Variants in SPTAN1 observed in about 807,000 individuals in gnomAD.
SPTAN1 encodes the protein spectrin alpha chain, non-erythrocytic 1.
In SPTAN1, 61 loss-of-function variants were observed where a neutral mutation model predicts 331.3. That is an observed-to-expected ratio of 0.18 (90% CI 0.15 to 0.23). The LOEUF (loss-of-function observed/expected upper bound fraction) is 0.23. SPTAN1 is among the 10% of genes least tolerant of loss of function. SPTAN1 has a pLI of 1.00. For synonymous variants in SPTAN1, 1,153 were observed against 1,173.9 expected (o/e 0.98, Z 0.36); for missense variants, 2,043 against 3,147.9 (o/e 0.65, Z 8.40).
At position 128,614,637 on chromosome 9, in the gene SPTAN1, G is replaced by A. The variant is rs117001948; in HGVS notation, c.5149-995G>A. ...ACAAAAATTAATTAGCCAAACGTTG[G>A]GGTATGCACCTATAGTCCCAGTTAC... On this transcript the variant is annotated intron_variant, in intron 40 of 56. Transcript: ENST00000372739. Among the ~76,000 whole-genome samples the A allele has an allele frequency of 2.8e-3, 426 of 152,006 alleles. 10 individuals carry two copies. The East Asian group carries it at 0.04, about 14-fold the overall frequency.
chr9:128,558,674 A>AC (rs1848937824), intron 1 of SPTAN1, among the ~76,000 whole-genome samples: 1 of 152,070 alleles, frequency 6.6e-6, no homozygotes, highest in South Asian at 2.1e-4. Flanking sequence ...ATGGCTGGGA[A>AC]CAGCCTGGAA....
intron 26 of SPTAN1, 137 bp from the exon 27 acceptor site, chr9:128,599,943 G>A (rs941557315): frequency 3.4e-6 from 3 of 890,236 alleles, no homozygotes; most frequent in Middle Eastern, 2.1e-4. Context: ...AAACTATGGA[G>A]GGAAAATGCT....
chr9:128,596,876 C>G (rs1368155758), intron 24 of SPTAN1, among the ~76,000 whole-genome samples: 1 of 152,006 alleles, frequency 6.6e-6, no homozygotes, highest in Admixed American at 6.6e-5. Flanking sequence ...AAAAATTTTT[C>G]TGGCCGGGCC....
intron 39 of SPTAN1, among the ~76,000 whole-genome samples, chr9:128,613,161 G>GA (rs1856760276): frequency 6.6e-6 from 1 of 152,166 alleles, no homozygotes; most frequent in Non-Finnish European, 1.5e-5. Flanking sequence ...TATTTACTAT[G>GA]AATAGACTCT....
In SPTAN1 at chr9:128,625,802, C is replaced by G. The variant is rs145129059; in HGVS notation, c.6103C>G (p.Gln2035Glu). The change falls in exon 48 of 57, where the codon CAG (glutamine) becomes GAG (glutamate). Residue 2035 changes from glutamine to glutamate, a missense_variant. This residue lies in a region of SPTAN1 where 256 missense variants were observed against 376.4 expected (regional missense o/e 0.68). Coordinates refer to ENST00000372739, the MANE Select transcript of SPTAN1 (RefSeq NM_001130438.3). This position sits in a 1 kb window ranked among gnomAD's most constrained non-coding sequence, Gnocchi z 4.1. ...TGACGCTGGGCTGCAGGCCTTCCAG[C>G]AGGAAGGCATTGCCAACATCACTGC... ...TFDAGLQAFQQEGIANITALK... is the reference protein window; with the variant it reads ...TFDAGLQAFQEEGIANITALK... 14 of 1,614,048 alleles carry G rather than the reference C, an allele frequency of 8.7e-6. No individual in the cohort carries two copies. Among genetic ancestry groups the G allele is most frequent in the Middle Eastern group, 1.6e-4 (1 of 6,084 alleles).
intron 3 of SPTAN1, among the ~76,000 whole-genome samples, chr9:128,573,427 C>G (rs1589171005): frequency 6.6e-6 from 1 of 152,142 alleles, no homozygotes; most frequent in East Asian, 1.9e-4. Context: ...TTTTTGATAG[C>G]TGATGACTTT....
At position 128,577,299 on chromosome 9, in the gene SPTAN1, GTAAA is replaced by G. The variant is rs769380003; in HGVS notation, c.930+30_930+33del. On this transcript the variant is annotated intron_variant, in intron 7 of 56. Transcript: ENST00000372739. This position sits in a 1 kb window ranked among gnomAD's most constrained non-coding sequence, Gnocchi z 4.2. ...GTGGGTTTTACAAGCAGCTGATTCT[GTAAA>G]TAAGTTACCAAGGGTCAGGAGAATA... is the stretch of plus-strand genomic sequence containing the variant. 1.8e-5 allele frequency: 29 copies of G among 1,614,222 alleles called. 1 individual carries two copies. The South Asian group carries it at 3.2e-4, about 18-fold the overall frequency.
intron 24 of SPTAN1, among the ~76,000 whole-genome samples, chr9:128,597,929 G>A (rs186340527): frequency 3.3e-5 from 5 of 152,162 alleles, no homozygotes; most frequent in African/African-American, 4.8e-5. Context: ...GATTACAGGC[G>A]TGAGCCACCG....
At chr9:128,594,439 T>TTTC (rs1853949514) in intron 24 of SPTAN1, 66 bp downstream of exon 24, 1 of 1,444,752 alleles carries the variant, frequency 6.9e-7, no homozygotes, top group Non-Finnish European at 9.4e-7. Flanking sequence ...ATTTTTTTTT[T>TTTC]TTTTTTTTTT....
intron 1 of SPTAN1, among the ~76,000 whole-genome samples, chr9:128,558,158 A>C (rs1400603043): frequency 6.6e-6 from 1 of 152,182 alleles, no homozygotes; most frequent in Non-Finnish European, 1.5e-5. Context: ...TCTTCTTCCG[A>C]GATCTGGTAG....
intron 21 of SPTAN1, among the ~76,000 whole-genome samples, chr9:128,590,853 T>TA (rs1853399248): frequency 6.6e-6 from 1 of 151,256 alleles, no homozygotes; most frequent in South Asian, 2.1e-4. Flanking sequence ...CTGTCTCCAA[T>TA]AAAAAAGAGT....
Position 128,625,551 on chromosome 9 carries a change from C to T in SPTAN1, c.6070-218C>T, listed in dbSNP as rs746575696. ...GGCAGGGATCCCTGGGGCGGGAGAGCGGAAGGCTGGGGTCAGGGAGGTGGG... is the reference window on the plus strand; with the variant it reads ...GGCAGGGATCCCTGGGGCGGGAGAGTGGAAGGCTGGGGTCAGGGAGGTGGG... On this transcript the variant is annotated intron_variant, in intron 47 of 56. Transcript: ENST00000372739. The surrounding 1 kb of genome is among the most constrained non-coding windows in gnomAD (Gnocchi z 4.1). Among the ~76,000 whole-genome samples the T allele has an allele frequency of 1.3e-5, 2 of 152,012 alleles. No individual in the cohort carries two copies. The highest frequency in any genetic ancestry group is 2.9e-5 in the Non-Finnish European group (2 of 67,992).
intron 20 of SPTAN1, 101 bp downstream of exon 20, chr9:128,587,799 T>A: frequency 2.3e-6 from 2 of 863,716 alleles, no homozygotes; most frequent in Non-Finnish European, 3.9e-6. Flanking sequence ...ACTCTGCTAT[T>A]AACTCTTGTG....
rs147727119 is a variant in SPTAN1, at chr9:128,568,188, T to C, written c.238-584T>C. ...CCATGGATTTTTTAACTATAAAAAA[T>C]TGATTACAGTAACCTAAGAAGAGAA... On this transcript the variant is annotated intron_variant, in intron 2 of 56. Transcript: ENST00000372739. Among the ~76,000 whole-genome samples, 19 of 152,332 alleles carry C rather than the reference T, an allele frequency of 1.2e-4. No individual in the cohort carries two copies. In the East Asian group the frequency reaches 3.5e-3, roughly 28 times the overall value.
intron 6 of SPTAN1, 41 bp downstream of exon 6, chr9:128,576,997 T>G (rs1190388770): frequency 6.2e-7 from 1 of 1,613,876 alleles, no homozygotes. Context: ...GGTCTCAACC[T>G]GGAGGGGAGT....
chr9:128,568,709 G>T, intron 2 of SPTAN1, 63 bp from the exon 3 acceptor site: 1 of 1,608,494 alleles, frequency 6.2e-7, no homozygotes, highest in Non-Finnish European at 8.5e-7. Flanking sequence ...ACGGGGAACA[G>T]CGGGGACAAA....
rs1195251131 is a variant in SPTAN1 at position 128,632,028 on chromosome 9, C to T, written c.6763-99C>T. 4.6e-6 allele frequency: 6 copies of T among 1,313,530 alleles called. No individual in the cohort carries two copies. In the Admixed American group the frequency reaches 5.9e-5, roughly 13 times the overall value. 81.4% of individuals were successfully genotyped at this position (1,313,530 alleles called of 1,614,324 possible). ...TGTTCTTGTTTTACGAGGTCTCAGG[C>T]CAGGCCTGGAGCAGGAACCAGAGGG... On this transcript the variant is annotated intron_variant, in intron 52 of 56. Transcript: ENST00000372739.
At chr9:128,559,241 CAA>C (rs1849001587) in intron 1 of SPTAN1, among the ~76,000 whole-genome samples, 1 of 152,170 alleles carries the variant, frequency 6.6e-6, no homozygotes, top group Non-Finnish European at 1.5e-5. Context: ...ACTGGGGTGA[CAA>C]AGAGGGCCTT....
chr9:128,576,569 G>T (rs1851328754), intron 5 of SPTAN1, among the ~76,000 whole-genome samples: 1 of 152,102 alleles, frequency 6.6e-6, no homozygotes, highest in Admixed American at 6.5e-5. Context: ...AAAGGTTTTT[G>T]GCACTTTTGC....
Sources: allele counts gnomAD v4.1 joint callset (sites outside exome capture counted in the v4.1 genomes callset), GRCh38; gene constraint gnomAD v4.1.1; regional missense constraint gnomAD v4.1.1; non-coding constraint Gnocchi (gnomAD v3.1); transcripts MANE v1.5; gene names NCBI Gene and HGNC (gene_info 2026-07-23, HGNC 2026-07-21).